The following XYLT1 variants were observed in gnomAD, a reference collection of about 807,000 sequenced individuals.
The protein encoded by XYLT1 is xylosyltransferase 1, also known as beta-D-xylosyltransferase 1.
In XYLT1, 36 loss-of-function variants were observed where a neutral mutation model predicts 91.3. The observed-to-expected ratio is 0.39, with a 90% CI of 0.30 to 0.52. The LOEUF (loss-of-function observed/expected upper bound fraction) is 0.52. XYLT1 is among the 20% of genes least tolerant of loss of function. XYLT1 has a pLI of 0.68. For missense variants in XYLT1, 1,242 were observed against 1,284.5 expected (o/e 0.97, Z 0.51); for synonymous variants, 588 against 532.0 (o/e 1.11, Z -1.45).
In XYLT1 at chr16:17,198,117, A is replaced by C. The variant is rs1351506315; in HGVS notation, c.1289+95T>G. 5 of 1,261,032 alleles carry C rather than the reference A, an allele frequency of 4.0e-6. No homozygotes were observed. The Admixed American group carries it at 7.0e-5, about 18-fold the overall frequency. The allele number at this position is 1,261,032 out of a possible 1,614,324, so 78.1% of individuals were successfully genotyped here. ...TATCCTGAGCGATCCTGTGGAGACTATGCATCAGTCTCCTTCTGCCTCGTG... is the reference window on the plus strand; with the variant it reads ...TATCCTGAGCGATCCTGTGGAGACTCTGCATCAGTCTCCTTCTGCCTCGTG... On this transcript the variant is annotated intron_variant, in intron 5 of 11. Coordinates refer to ENST00000261381, the MANE Select transcript of XYLT1 (RefSeq NM_022166.4).
At chr16:17,271,952 C>A (rs2141773327) in intron 2 of XYLT1, among the ~76,000 whole-genome samples, 1 of 152,134 alleles carries the variant, frequency 6.6e-6, no homozygotes, top group Non-Finnish European at 1.5e-5. Context: ...CCAGAGTTAA[C>A]CAAGGAAGGG....
At chr16:17,422,983 T>G in intron 1 of XYLT1, among the ~76,000 whole-genome samples, 1 of 151,594 alleles carries the variant, frequency 6.6e-6, no homozygotes, top group Non-Finnish European at 1.5e-5. Context: ...AGAGGCTGAC[T>G]TTTTTAGCCC....
chr16:17,181,818 G>A (rs1394173048), intron 5 of XYLT1, among the ~76,000 whole-genome samples: 1 of 151,952 alleles, frequency 6.6e-6, no homozygotes, highest in Non-Finnish European at 1.5e-5. Context: ...TTGGGGCCAC[G>A]ATGAGTTACC....
chr16:17,215,386 G>A (rs1178563300), intron 3 of XYLT1, among the ~76,000 whole-genome samples: 1 of 152,114 alleles, frequency 6.6e-6, no homozygotes, highest in African/African-American at 2.4e-5. Context: ...TAAGGGTGGA[G>A]CCTTGAATTT....
chr16:17,331,341 C>A (rs537263264), intron 2 of XYLT1, among the ~76,000 whole-genome samples: 278 of 152,310 alleles, frequency 1.8e-3, no homozygotes, highest in African/African-American at 6.4e-3. Context: ...CATGTCCTCT[C>A]GGCATGACAT....
chr16:17,156,086 G>T, intron 6 of XYLT1, among the ~76,000 whole-genome samples: 1 of 152,242 alleles, frequency 6.6e-6, no homozygotes, highest in East Asian at 1.9e-4. Context: ...AATGAGTATA[G>T]GTCTATTAAT....
intron 5 of XYLT1, among the ~76,000 whole-genome samples, chr16:17,197,707 T>G (rs1314766381): frequency 6.6e-6 from 1 of 152,158 alleles, no homozygotes. Context: ...AACATCAGAC[T>G]CCAAGTTCTT....
At position 17,448,453 on chromosome 16, in the gene XYLT1, A is replaced by G. The variant is rs559501210; in HGVS notation, c.363+21981T>C. ...TAAAATGAAGCATATTATCATTATT[A>G]TCATTATTACAATTGCTGTATTCAT... On this transcript the variant is annotated intron_variant, in intron 1 of 11. Transcript: ENST00000261381. Among the ~76,000 whole-genome samples the G allele has an allele frequency of 9.2e-5, 14 of 152,318 alleles. No homozygotes were observed. In the South Asian group the frequency reaches 1.7e-3, roughly 18 times the overall value.
intron 2 of XYLT1, among the ~76,000 whole-genome samples, chr16:17,315,887 T>C (rs2034623067): frequency 6.6e-6 from 1 of 152,142 alleles, no homozygotes; most frequent in Admixed American, 6.5e-5. Context: ...AGGAGGTCCT[T>C]ACCACTGCAT....
At chr16:17,268,877 TG>T (rs1425777643) in intron 2 of XYLT1, among the ~76,000 whole-genome samples, 43 of 152,290 alleles carry the variant, frequency 2.8e-4, no homozygotes, top group Non-Finnish European at 5.4e-4. Context: ...TTCACCATGT[TG>T]GCCAGGCTGG....
chr16:17,149,708 T>A (rs2031236093), intron 6 of XYLT1, among the ~76,000 whole-genome samples: 1 of 152,184 alleles, frequency 6.6e-6, no homozygotes, highest in Admixed American at 6.5e-5. Flanking sequence ...ATTATTCTAT[T>A]GGGATGCAGT....
At chr16:17,131,978 C>T (rs1213696156) in intron 9 of XYLT1, among the ~76,000 whole-genome samples, 1 of 152,064 alleles carries the variant, frequency 6.6e-6, no homozygotes, top group Non-Finnish European at 1.5e-5. Flanking sequence ...CCAGAGGATT[C>T]CTGGCTCGAG....
intron 1 of XYLT1, among the ~76,000 whole-genome samples, chr16:17,456,147 C>T (rs955562019): frequency 6.6e-6 from 1 of 152,092 alleles, no homozygotes; most frequent in Non-Finnish European, 1.5e-5. Context: ...GAGGGTACTT[C>T]TACCAGAGCC....
At chr16:17,370,295 G>A (rs2035514677) in intron 1 of XYLT1, among the ~76,000 whole-genome samples, 1 of 152,206 alleles carries the variant, frequency 6.6e-6, no homozygotes, top group Non-Finnish European at 1.5e-5. Flanking sequence ...AGACGACGCT[G>A]TGCTAAGTCC....
chr16:17,392,010 C>A (rs919478784), intron 1 of XYLT1, among the ~76,000 whole-genome samples: 1 of 152,132 alleles, frequency 6.6e-6, no homozygotes, highest in African/African-American at 2.4e-5. Context: ...TATAAATTAC[C>A]CAGTCTCAAT....
chr16:17,333,127 C>T (rs1201518892), intron 2 of XYLT1, among the ~76,000 whole-genome samples: 1 of 152,088 alleles, frequency 6.6e-6, no homozygotes, highest in Non-Finnish European at 1.5e-5. Flanking sequence ...GTGTTCCGGG[C>T]TTTTCTCTGG....
chr16:17,207,637 C>A (rs75347059), intron 3 of XYLT1, among the ~76,000 whole-genome samples: 22,055 of 152,202 alleles, frequency 0.14, 1,722 homozygotes, highest in South Asian at 0.19. Flanking sequence ...GGAGGCTAGG[C>A]ACCCCCACTT....
At chr16:17,199,387 T>C (rs1041634584) in intron 4 of XYLT1, among the ~76,000 whole-genome samples, 2 of 152,178 alleles carry the variant, frequency 1.3e-5, no homozygotes, top group South Asian at 2.1e-4. Context: ...CCTTGGCTGC[T>C]TTAGCACAAG....
At chr16:17,354,523 A>G (rs1289823263) in intron 2 of XYLT1, 1 of 152,236 alleles carries the variant, frequency 6.6e-6, no homozygotes, top group Non-Finnish European at 1.5e-5. Flanking sequence ...CAGGTCTTGG[A>G]CAAGCAAAGC....
Sources: gnomAD v4.1 joint callset for allele counts (sites outside exome capture counted in the v4.1 genomes callset) on GRCh38, gnomAD v4.1.1 for gene constraint, MANE v1.5 for transcripts, NCBI Gene and HGNC (gene_info 2026-07-23, HGNC 2026-07-21) for gene names.